GPC5: variants seen among roughly 807,000 people sequenced by gnomAD.
GPC5 encodes the protein glypican-5.
GPC5 carries 47 observed loss-of-function variants against 53.9 expected under a neutral mutation model. That is an observed-to-expected ratio of 0.87 (90% CI 0.69 to 1.11). GPC5 has a LOEUF of 1.11. GPC5 is among the 50% of genes most tolerant of loss of function. The pLI, the probability that GPC5 is intolerant of heterozygous loss-of-function variation, is 0.00. For missense variants in GPC5, 748 were observed against 713.1 expected (o/e 1.05, Z -0.56); for synonymous variants, 286 against 263.3 (o/e 1.09, Z -0.84).
At chr13:91,770,337 A>T (rs1021580791) in intron 5 of GPC5, among the ~76,000 whole-genome samples, 3 of 152,120 alleles carry the variant, frequency 2.0e-5, no homozygotes, top group Admixed American at 2.0e-4. Context: ...ATGATCAATC[A>T]ATCATTGAGT....
chr13:92,677,307 A>G (rs1438609206), intron 7 of GPC5, among the ~76,000 whole-genome samples: 1 of 152,218 alleles, frequency 6.6e-6, no homozygotes, highest in African/African-American at 2.4e-5. Flanking sequence ...GTCACAAAAG[A>G]CTAACTTGAA....
In GPC5 at chr13:91,878,039, A is replaced by G. The variant is rs550777123; in HGVS notation, c.1281-29898A>G. ...GAAGTGCCTTTTGCCTCCCCCTGTGATTCTGAGGCCTCCCTAGCTATGTGG... is the reference window on the plus strand; with the variant it reads ...GAAGTGCCTTTTGCCTCCCCCTGTGGTTCTGAGGCCTCCCTAGCTATGTGG... On this transcript the variant is annotated intron_variant, in intron 5 of 7. Coordinates refer to ENST00000377067, the MANE Select transcript of GPC5 (RefSeq NM_004466.6). Among the ~76,000 whole-genome samples, 10 of 152,110 alleles carry G rather than the reference A, an allele frequency of 6.6e-5. 1 individual carries two copies. The South Asian group carries it at 2.1e-3, about 32-fold the overall frequency.
intron 7 of GPC5, among the ~76,000 whole-genome samples, chr13:92,395,043 ATTGGGCCTTTTAAAAATT>A: frequency 6.6e-6 from 1 of 152,174 alleles, no homozygotes; most frequent in African/African-American, 2.4e-5. Context: ...AAAATATATA[ATTGGGCCTTTTAAAAATT>A]TACTTAATGA....
chr13:92,220,172 G>A (rs1179538551), intron 7 of GPC5, among the ~76,000 whole-genome samples: 1 of 151,806 alleles, frequency 6.6e-6, no homozygotes, highest in Non-Finnish European at 1.5e-5. Flanking sequence ...TTTTCTTTTT[G>A]CTTTCCTTAC....
chr13:92,303,029 C>A (rs930743265), intron 7 of GPC5, among the ~76,000 whole-genome samples: 1 of 152,148 alleles, frequency 6.6e-6, no homozygotes, highest in African/African-American at 2.4e-5. Context: ...TAATTTTTAT[C>A]TTCTTCCCTT....
chr13:91,549,935 T>A (rs1393607264), intron 2 of GPC5, among the ~76,000 whole-genome samples: 1 of 152,186 alleles, frequency 6.6e-6, no homozygotes, highest in Non-Finnish European at 1.5e-5. Context: ...AACTTATGTA[T>A]GTACAAAAAC....
intron 6 of GPC5, among the ~76,000 whole-genome samples, chr13:92,086,957 C>A (rs1211053934): frequency 6.6e-6 from 1 of 152,178 alleles, no homozygotes; most frequent in Non-Finnish European, 1.5e-5. Flanking sequence ...CCACACCCAG[C>A]CAACCAAATA....
intron 6 of GPC5, among the ~76,000 whole-genome samples, chr13:92,136,140 T>A (rs2041782599): frequency 6.6e-6 from 1 of 152,140 alleles, no homozygotes; most frequent in Admixed American, 6.5e-5. Context: ...ATAAAGTCTG[T>A]TTTGTGTCTC....
chr13:92,725,949 T>G (rs181078332), intron 7 of GPC5, among the ~76,000 whole-genome samples: 45 of 151,744 alleles, frequency 3.0e-4, no homozygotes, highest in Admixed American at 6.6e-4. Context: ...AGGTCACAAG[T>G]GTTTCCTGAA....
chr13:92,027,723 C>T (rs1311195333), intron 6 of GPC5, among the ~76,000 whole-genome samples: 3 of 152,122 alleles, frequency 2.0e-5, no homozygotes, highest in Non-Finnish European at 4.4e-5. Flanking sequence ...TTTCTCATTG[C>T]AAAGGCAGTA....
chr13:92,520,582 C>G (rs186797169), intron 7 of GPC5, among the ~76,000 whole-genome samples: 41 of 152,138 alleles, frequency 2.7e-4, no homozygotes, highest in Admixed American at 2.3e-3. Context: ...ATTCAACAGC[C>G]CTTCATGCTA....
intron 2 of GPC5, among the ~76,000 whole-genome samples, chr13:91,480,799 T>A (rs957607316): frequency 6.6e-6 from 1 of 152,110 alleles, no homozygotes. Flanking sequence ...GTTCTGAGAG[T>A]ATTCAGGCAA....
intron 7 of GPC5, among the ~76,000 whole-genome samples, chr13:92,424,432 T>C (rs918828385): frequency 2.6e-5 from 4 of 152,070 alleles, no homozygotes; most frequent in Admixed American, 6.6e-5. Context: ...ACAATATTTA[T>C]TTTTTAACTC....
intron 1 of GPC5, among the ~76,000 whole-genome samples, chr13:91,417,499 C>T (rs1208959464): frequency 6.6e-6 from 1 of 152,126 alleles, no homozygotes; most frequent in African/African-American, 2.4e-5. Flanking sequence ...ATGTGTGCTG[C>T]AACCATGGGT....
chr13:91,505,511 A>G (rs750758890), intron 2 of GPC5, among the ~76,000 whole-genome samples: 12 of 152,120 alleles, frequency 7.9e-5, no homozygotes, highest in South Asian at 2.1e-4. Context: ...TGGACTTCCA[A>G]CTTCCTGAAT....
intron 7 of GPC5, among the ~76,000 whole-genome samples, chr13:92,459,039 T>C (rs2139407522): frequency 6.6e-6 from 1 of 152,322 alleles, no homozygotes; most frequent in Non-Finnish European, 1.5e-5. Flanking sequence ...TATTTACTCA[T>C]GTGTACTCTA....
chr13:92,741,968 T>C (rs1889109977), intron 7 of GPC5, among the ~76,000 whole-genome samples: 1 of 152,176 alleles, frequency 6.6e-6, no homozygotes, highest in African/African-American at 2.4e-5. Flanking sequence ...CCACATTTTC[T>C]TAATCCAGTC....
intron 7 of GPC5, among the ~76,000 whole-genome samples, chr13:92,815,306 C>T (rs1047300174): frequency 1.3e-5 from 2 of 151,928 alleles, no homozygotes; most frequent in African/African-American, 4.8e-5. Flanking sequence ...CAGAGATAAC[C>T]AATGAAGTTC....
At chr13:91,573,918 GTCTA>G (rs1292818616) in intron 2 of GPC5, among the ~76,000 whole-genome samples, 2 of 152,098 alleles carry the variant, frequency 1.3e-5, no homozygotes, top group Non-Finnish European at 2.9e-5. Context: ...ATGTGTATAT[GTCTA>G]TCTATGTCTA....
Sources: allele counts gnomAD v4.1 joint callset (sites outside exome capture counted in the v4.1 genomes callset), GRCh38; gene constraint gnomAD v4.1.1; transcripts MANE v1.5; gene names NCBI Gene and HGNC (gene_info 2026-07-23, HGNC 2026-07-21).